Variants in RBFOX1 observed in about 807,000 individuals in gnomAD.
RBFOX1 encodes the protein RNA binding protein fox-1 homolog 1.
RBFOX1 carries 8 observed loss-of-function variants against 57.7 expected under a neutral mutation model. The observed-to-expected ratio is 0.14, with a 90% CI of 0.08 to 0.25. The LOEUF is 0.25. Ranked by LOEUF, RBFOX1 falls within the 10% of genes least tolerant of loss-of-function variation. The probability of loss-of-function intolerance (pLI) is 1.00; values close to 1 mark genes in which losing one functional copy is unlikely to be tolerated. For synonymous variants in RBFOX1, 326 were observed against 222.4 expected, an observed-to-expected ratio of 1.47 and a Z score of -4.15; for missense variants, 611 against 548.5, an observed-to-expected ratio of 1.11 and a Z score of -1.14.
intron 2 of RBFOX1, among the ~76,000 whole-genome samples, chr16:6,436,336 A>G (rs1236045833): frequency 2.0e-5 from 3 of 152,114 alleles, no homozygotes; most frequent in Non-Finnish European, 4.4e-5. Flanking sequence ...AGTATATTTT[A>G]TACCACCAAT....
rs918456651 is a variant in RBFOX1 at position 6,399,508 on chromosome 16, G to T, written c.-64+82451G>T. 3.9e-5 allele frequency among the ~76,000 whole-genome samples: 6 copies of T among 152,126 alleles called. No individual in the cohort carries two copies. The East Asian group carries it at 9.7e-4, about 25-fold the overall frequency. ...CCCAAGAAGTTCCTCATCTCCATCT[G>T]AGACCACCTCAGCCAGGACTTCATT... On this transcript the variant is annotated intron_variant, in intron 2 of 15. Transcript: ENST00000550418.
chr16:6,514,042 C>T (rs2096314286), intron 2 of RBFOX1, among the ~76,000 whole-genome samples: 2 of 152,186 alleles, frequency 1.3e-5, no homozygotes, highest in Admixed American at 1.3e-4. Flanking sequence ...CACCTCAAGG[C>T]ATGAACTGTG....
Position 5,770,356 on chromosome 16 carries a change from C to T in RBFOX1, c.319-96947C>T, listed in dbSNP as rs117707212. ...ATTAATGCATTAGCATAAGCCGTTC[C>T]CATCAGTGACATAAGTTTACAAATG... On this transcript the variant is annotated intron_variant, in intron 3 of 19. Transcript: ENST00000641259. 3.9e-5 allele frequency among the ~76,000 whole-genome samples: 6 copies of T among 152,188 alleles called. No homozygotes were observed. In the East Asian group the frequency reaches 1.2e-3, roughly 29 times the overall value.
intron 4 of RBFOX1, among the ~76,000 whole-genome samples, chr16:7,443,368 C>T (rs565004376): frequency 2.6e-4 from 39 of 151,894 alleles, no homozygotes; most frequent in Non-Finnish European, 8.8e-5. Flanking sequence ...CTGTCTCACA[C>T]ACTCTCTTTC....
chr16:7,354,689 C>G (rs1473355412), intron 4 of RBFOX1, among the ~76,000 whole-genome samples: 2 of 152,170 alleles, frequency 1.3e-5, no homozygotes, highest in Non-Finnish European at 2.9e-5. Context: ...ATAGCACTCT[C>G]TGGAAACATA....
chr16:5,690,846 T>C (rs918842398), intron 3 of RBFOX1, among the ~76,000 whole-genome samples: 8 of 152,140 alleles, frequency 5.3e-5, no homozygotes, highest in African/African-American at 1.9e-4. Context: ...TTCCATTGTT[T>C]TTACATGCCC....
chr16:7,019,464 T>C (rs1186634585), intron 3 of RBFOX1, among the ~76,000 whole-genome samples: 1 of 152,126 alleles, frequency 6.6e-6, no homozygotes, highest in Non-Finnish European at 1.5e-5. Context: ...CTAAGAGATT[T>C]TGTACTTTTT....
intron 14 of RBFOX1, among the ~76,000 whole-genome samples, chr16:7,681,371 C>T (rs528720167): frequency 3.9e-5 from 6 of 152,144 alleles, no homozygotes; most frequent in African/African-American, 1.4e-4. Flanking sequence ...AGGACTAAAT[C>T]CTTATGCACA....
chr16:5,539,014 G>C (rs918387583), intron 2 of RBFOX1, among the ~76,000 whole-genome samples: 4 of 152,232 alleles, frequency 2.6e-5, no homozygotes, highest in African/African-American at 9.6e-5. Context: ...GGCTTTAGGA[G>C]GGTCCTTGAA....
rs114736612 is a variant in RBFOX1, at chr16:6,388,255, C to A, written c.-64+71198C>A. ...TTCTGGGATTACAGGTGTGAGCCACCGTGCTTGGTCCTGTCTGTGGAATTT... is the reference window on the plus strand; with the variant it reads ...TTCTGGGATTACAGGTGTGAGCCACAGTGCTTGGTCCTGTCTGTGGAATTT... On this transcript the variant is annotated intron_variant, in intron 2 of 15. Coordinates refer to ENST00000550418, the MANE Select transcript of RBFOX1 (RefSeq NM_018723.4). Among the ~76,000 whole-genome samples, 1,269 of 152,006 alleles carry A rather than the reference C, an allele frequency of 8.3e-3. 14 individuals carry two copies. Among genetic ancestry groups the A allele is most frequent in the African/African-American group, 0.029 (1,199 of 41,454 alleles).
intron 4 of RBFOX1, among the ~76,000 whole-genome samples, chr16:7,323,462 C>A (rs993937503): frequency 6.6e-6 from 1 of 152,138 alleles, no homozygotes; most frequent in Non-Finnish European, 1.5e-5. Flanking sequence ...ACCCAGGCCA[C>A]CATTTCTCAG....
At chr16:7,120,854 CACACAT>C (rs1271252439) in intron 4 of RBFOX1, among the ~76,000 whole-genome samples, 4 of 149,390 alleles carry the variant, frequency 2.7e-5, no homozygotes, top group African/African-American at 9.9e-5. Context: ...CACACACACA[CACACAT>C]ACGTAAACAT....
Position 7,031,305 on chromosome 16 carries a change from C to T in RBFOX1, c.-15-20752C>T, listed in dbSNP as rs543857249. 7.9e-5 allele frequency among the ~76,000 whole-genome samples: 12 copies of T among 152,184 alleles called. No individual in the cohort carries two copies. In the East Asian group the frequency reaches 1.5e-3, roughly 20 times the overall value. Reference sequence around the variant, plus strand: ...TGTGACTACACTGTAGAGATAAAAGCAGTATCATGGCTGGGTGCTATGGCT... The same window carrying T: ...TGTGACTACACTGTAGAGATAAAAGTAGTATCATGGCTGGGTGCTATGGCT... On this transcript the variant is annotated intron_variant, in intron 3 of 15. Coordinates refer to ENST00000550418, the MANE Select transcript of RBFOX1 (RefSeq NM_018723.4).
chr16:6,653,174 T>G (rs1295140792), intron 2 of RBFOX1, among the ~76,000 whole-genome samples: 1 of 152,132 alleles, frequency 6.6e-6, no homozygotes, highest in Non-Finnish European at 1.5e-5. Flanking sequence ...TTTTCTCAAT[T>G]GCCACTTTTT....
intron 4 of RBFOX1, among the ~76,000 whole-genome samples, chr16:7,214,088 AT>A (rs376089806): frequency 4.0e-5 from 6 of 150,318 alleles, no homozygotes; most frequent in South Asian, 2.1e-4. Flanking sequence ...AAAAAAAAAA[AT>A]TTTTCCACTT....
intron 3 of RBFOX1, among the ~76,000 whole-genome samples, chr16:6,862,306 C>G (rs972310577): frequency 4.6e-5 from 7 of 152,252 alleles, no homozygotes; most frequent in Middle Eastern, 3.4e-3. Context: ...GACTGTTTGC[C>G]TTGTGAACAA....
chr16:7,048,096 C>G (rs1309148302), intron 3 of RBFOX1, among the ~76,000 whole-genome samples: 1 of 152,084 alleles, frequency 6.6e-6, no homozygotes, highest in African/African-American at 2.4e-5. Context: ...CCAGGCTGGT[C>G]TCAAATTCCT....
intron 3 of RBFOX1, among the ~76,000 whole-genome samples, chr16:5,665,339 T>A (rs1450573314): frequency 6.6e-6 from 1 of 152,142 alleles, no homozygotes; most frequent in Non-Finnish European, 1.5e-5. Context: ...TGGCTCCTTT[T>A]CCTCCTCCAG....
chr16:6,867,650 C>CA (rs1190582703), intron 3 of RBFOX1, among the ~76,000 whole-genome samples: 1 of 152,088 alleles, frequency 6.6e-6, no homozygotes, highest in Non-Finnish European at 1.5e-5. Context: ...ACCCGGGAGG[C>CA]AGAGGTTGCA....
Sources: gnomAD v4.1 joint callset for allele counts (sites outside exome capture counted in the v4.1 genomes callset) on GRCh38, gnomAD v4.1.1 for gene constraint, MANE v1.5 for transcripts, NCBI Gene and HGNC (gene_info 2026-07-23, HGNC 2026-07-21) for gene names.